THUMPD3: variants seen among roughly 807,000 people sequenced by gnomAD.
The protein encoded by THUMPD3 is THUMP domain 3 tRNA guanosine methyltransferase, also known as tRNA (guanine(6)-N(2))-methyltransferase THUMP3.
In THUMPD3, 44 loss-of-function variants were observed where a neutral mutation model predicts 54.5. The observed-to-expected ratio is 0.81, with a 90% CI of 0.63 to 1.04. The LOEUF is 1.04. Ranked by LOEUF, THUMPD3 falls within the 50% of genes least tolerant of loss-of-function variation. The pLI, the probability that THUMPD3 is intolerant of heterozygous loss-of-function variation, is 0.00. For missense variants in THUMPD3, 604 were observed against 601.3 expected (o/e 1.00, Z -0.05); for synonymous variants, 196 against 201.4 (o/e 0.97, Z 0.23).
rs2031422309 is a variant in THUMPD3 at position 9,365,134 on chromosome 3, T to C, written c.66T>C (p.Ser22=). The C allele has an allele frequency of 1.9e-6, 3 of 1,614,200 alleles. No individual in the cohort carries two copies. The highest frequency in any genetic ancestry group is 2.5e-6 in the Non-Finnish European group (3 of 1,180,046). ...TGAACCTTCATGAGAACCAGAAGTC[T>C]GTACAAGTGACAGAAAGTGACCTCG... ...LDVNLHENQK[S]VQVTESDLGS... The change falls in exon 2 of 10, where the codon TCT becomes TCC. Residue 22 remains serine, a synonymous_variant. Transcript: ENST00000452837.
rs757454712 is a variant in THUMPD3, at chr3:9,371,155, A to G, written c.426A>G (p.Lys142=). ...VWKINASFKK[K]KAKRKKINQN... ...AAATTAATGCCAGTTTTAAAAAGAA[A>G]AAAGCAAAGCGCAAAAAGATAAATC... is the stretch of plus-strand genomic sequence containing the variant. The change falls in exon 4 of 10, where the codon AAA becomes AAG. Residue 142 remains lysine (K), a synonymous_variant. Transcript: ENST00000452837. 2 of 1,611,472 alleles carry G rather than the reference A, an allele frequency of 1.2e-6. No homozygotes were observed. Among genetic ancestry groups the G allele is most frequent in the Admixed American group, 1.7e-5 (1 of 59,450 alleles).
chr3:9,373,014 T>C (rs1438209230), intron 4 of THUMPD3, among the ~76,000 whole-genome samples: 1 of 152,102 alleles, frequency 6.6e-6, no homozygotes, highest in Non-Finnish European at 1.5e-5. Context: ...TGGGAGGCCT[T>C]GGCAGGCAGA....
In THUMPD3 at chr3:9,365,147, G is replaced by A; in HGVS notation, c.79G>A (p.Glu27Lys). The change falls in exon 2 of 10, where the codon GAA (glutamate) becomes AAA (lysine). Residue 27 changes from glutamate (E) to lysine (K), a missense_variant. By Grantham distance (56) the Glu-to-Lys change is moderately conservative. Transcript: ENST00000452837. ...HENQKSVQVT[E>K]SDLGSESELL... The stretch of plus-strand genomic sequence containing the variant: ...GAACCAGAAGTCTGTACAAGTGACA[G>A]AAAGTGACCTCGGAAGTGAATCTGA... 1 of 1,614,210 alleles carries A rather than the reference G, an allele frequency of 6.2e-7. No individual in the cohort carries two copies. Among genetic ancestry groups the A allele is most frequent in the Non-Finnish European group, 8.5e-7 (1 of 1,180,040 alleles).
At chr3:9,383,561 T>TGGCTACAC (rs1217252869) in intron 8 of THUMPD3, among the ~76,000 whole-genome samples, 1 of 152,174 alleles carries the variant, frequency 6.6e-6, no homozygotes, top group Non-Finnish European at 1.5e-5. Flanking sequence ...ATTCTTGAAT[T>TGGCTACAC]ATATATCCTA....
chr3:9,385,893 T>C lies in THUMPD3; in HGVS notation c.*1205T>C, dbSNP rs1259827810. ...TGCTTTTCCAGTTGCAACAAGTCCT[T>C]CTTGAGAGTTTTGTGGAAAATGGTG... On this transcript the variant is annotated 3_prime_UTR_variant, in exon 10 of 10. Coordinates refer to ENST00000452837, the MANE Select transcript of THUMPD3 (RefSeq NM_001114092.2). 1.3e-5 allele frequency: 2 copies of C among 152,254 alleles called. No individual in the cohort carries two copies. Among genetic ancestry groups the C allele is most frequent in the East Asian group, 3.8e-4 (2 of 5,206 alleles). 9.4% of individuals were successfully genotyped at this position (152,254 alleles called of 1,614,324 possible). A position where few individuals can be genotyped will look rare whatever the true frequency, so the allele number is the denominator to read the frequency against.
At chr3:9,363,806 C>CTTTTTTTTTTTTTT (rs56359034) in intron 1 of THUMPD3, 2 of 88,924 alleles carry the variant, frequency 2.2e-5, no homozygotes, top group Non-Finnish European at 4.4e-5. Context: ...TTAATTTTTT[C>CTTTTTTTTTTTTTT]TTTTTTTTTT....
At position 9,384,361 on chromosome 3, in the gene THUMPD3, G is replaced by A. The variant is rs549627981; in HGVS notation, c.1359+26G>A. The A allele has an allele frequency of 2.2e-5, 35 of 1,598,382 alleles. 1 individual carries two copies. The South Asian group carries it at 2.3e-4, about 10-fold the overall frequency. On this transcript the variant is annotated intron_variant, in intron 9 of 9. Transcript: ENST00000452837. ...GTGCTATACACATTAGCTCAAAATC[G>A]CAGCCTGTGGCAACTTTGGGATCTT...
At chr3:9,368,795 A>G (rs1037997751) in intron 3 of THUMPD3, among the ~76,000 whole-genome samples, 2 of 152,180 alleles carry the variant, frequency 1.3e-5, no homozygotes, top group East Asian at 1.9e-4. Context: ...TTGTTCCTAT[A>G]TCCTCATGCT....
intron 6 of THUMPD3, among the ~76,000 whole-genome samples, chr3:9,378,835 CAAG>C (rs1043607127): frequency 1.3e-5 from 2 of 152,000 alleles, no homozygotes; most frequent in African/African-American, 2.4e-5. Flanking sequence ...TTCTTGTGGC[CAAG>C]AAGGATTCTG....
Position 9,384,582 on chromosome 3 carries a change from G to A in THUMPD3, c.1418G>A (p.Gly473Asp). 7 of 1,614,190 alleles carry A rather than the reference G, an allele frequency of 4.3e-6. No individual in the cohort carries two copies. Among genetic ancestry groups the A allele is most frequent in the Non-Finnish European group, 5.1e-6 (6 of 1,180,034 alleles). ...GTGGATACAGTCTGGGTGAACGTTGGTGGTCTTCGTGCTGCAGTTTACGTT... is the reference window on the plus strand; with the variant it reads ...GTGGATACAGTCTGGGTGAACGTTGATGGTCTTCGTGCTGCAGTTTACGTT... ...RKVDTVWVNV[G>D]GLRAAVYVLI... Residue 473 changes from glycine (G) to aspartate (D), a missense_variant, in exon 10 of 10, where the codon GGT becomes GAT. Gly to Asp is a moderately conservative substitution (Grantham distance 94, BLOSUM62 -1). Coordinates refer to ENST00000452837, the MANE Select transcript of THUMPD3 (RefSeq NM_001114092.2).
rs1202581460 is a variant in THUMPD3, at chr3:9,374,383, G to T, written c.808-133G>T. 3 of 1,030,064 alleles carry T rather than the reference G, an allele frequency of 2.9e-6. No individual in the cohort carries two copies. In the East Asian group the frequency reaches 7.4e-5, roughly 25 times the overall value. 63.8% of individuals were successfully genotyped at this position (1,030,064 alleles called of 1,614,324 possible). A position where few individuals can be genotyped will look rare whatever the true frequency, so the allele number is the denominator to read the frequency against. On this transcript the variant is annotated intron_variant, in intron 4 of 9. Coordinates refer to ENST00000452837, the MANE Select transcript of THUMPD3 (RefSeq NM_001114092.2). The stretch of plus-strand genomic sequence containing the variant: ...TCTGCACTAAGTTTGGCATCAATAT[G>T]GTGACCTCCCAGGAGTAGGGGACCA...
intron 2 of THUMPD3, among the ~76,000 whole-genome samples, chr3:9,365,742 C>T (rs1350433109): frequency 6.6e-6 from 1 of 152,050 alleles, no homozygotes; most frequent in Non-Finnish European, 1.5e-5. Context: ...CAGGCGCCCG[C>T]CACCGCATCT....
At position 9,385,680 on chromosome 3, in the gene THUMPD3, A is replaced by G. The variant is rs1317896635; in HGVS notation, c.*992A>G. The stretch of plus-strand genomic sequence containing the variant: ...GGTGTGGGACCAACAAACCAAATTA[A>G]AAGAAATTGTTTTTCTTTCAGTACA... On this transcript the variant is annotated 3_prime_UTR_variant, in exon 10 of 10. Coordinates refer to ENST00000452837, the MANE Select transcript of THUMPD3 (RefSeq NM_001114092.2). 1 of 152,060 alleles carries G rather than the reference A, an allele frequency of 6.6e-6. No homozygotes were observed. The highest frequency in any genetic ancestry group is 1.5e-5 in the Non-Finnish European group (1 of 67,896). The allele number at this position is 152,060 out of a possible 1,614,324, so 9.4% of individuals were successfully genotyped here.
intron 5 of THUMPD3, 76 bp downstream of exon 5, chr3:9,374,722 T>C: frequency 6.6e-7 from 1 of 1,526,130 alleles, no homozygotes; most frequent in Non-Finnish European, 9.0e-7. Flanking sequence ...CTGATTTGTG[T>C]GTATGTGTGT....
intron 2 of THUMPD3, 50 bp downstream of exon 2, chr3:9,365,370 G>A: frequency 1.3e-6 from 2 of 1,593,400 alleles, no homozygotes; most frequent in South Asian, 2.3e-5. Context: ...ATCATTTTAT[G>A]GTTACTTTTC....
chr3:9,381,560 C>G (rs887026061), intron 7 of THUMPD3, among the ~76,000 whole-genome samples: 1 of 149,546 alleles, frequency 6.7e-6, no homozygotes, highest in Non-Finnish European at 1.5e-5. Context: ...CTTCAATTTT[C>G]TTAAATACTG....
intron 3 of THUMPD3, among the ~76,000 whole-genome samples, chr3:9,368,290 T>C (rs1398989601): frequency 1.3e-5 from 2 of 150,860 alleles, no homozygotes; most frequent in Non-Finnish European, 3.0e-5. Context: ...CACTTAAGCC[T>C]CCCAAAGTGC....
In THUMPD3 at chr3:9,377,815, C is replaced by G; in HGVS notation, c.939-4C>G. The stretch of plus-strand genomic sequence containing the variant: ...CTTCACATAGGCTGTTTTCTTTTCT[C>G]TAGGCTCTGTGATCCTCTACCTTAT... On this transcript the variant is annotated splice_region_variant and splice_polypyrimidine_tract_variant and intron_variant, in intron 5 of 9. Coordinates refer to ENST00000452837, the MANE Select transcript of THUMPD3 (RefSeq NM_001114092.2). The G allele has an allele frequency of 3.1e-6, 5 of 1,613,216 alleles. No homozygotes were observed. Among genetic ancestry groups the G allele is most frequent in the Non-Finnish European group, 4.2e-6 (5 of 1,179,326 alleles).
At chr3:9,377,225 C>G (rs1441952300) in intron 5 of THUMPD3, among the ~76,000 whole-genome samples, 1 of 151,676 alleles carries the variant, frequency 6.6e-6, no homozygotes, top group East Asian at 1.9e-4. Flanking sequence ...TGTGTGTGTA[C>G]ACATGTGTAC....
Sources: gnomAD v4.1 joint callset for allele counts (sites outside exome capture counted in the v4.1 genomes callset) on GRCh38, gnomAD v4.1.1 for gene constraint, MANE v1.5 for transcripts, NCBI Gene and HGNC (gene_info 2026-07-23, HGNC 2026-07-21) for gene names.